Variants in DGKI observed in about 807,000 individuals in gnomAD.
DGKI encodes diacylglycerol kinase iota.
DGKI carries 55 observed loss-of-function variants against 147.5 expected under a neutral mutation model. That is an observed-to-expected ratio of 0.37 (90% CI 0.30 to 0.47). The LOEUF (loss-of-function observed/expected upper bound fraction) is 0.47, where lower values mean the gene tolerates loss of function less well. Ranked by LOEUF, DGKI falls within the 20% of genes least tolerant of loss-of-function variation. The probability of loss-of-function intolerance (pLI) is 1.00; values close to 1 mark genes in which losing one functional copy is unlikely to be tolerated. For missense variants in DGKI, 1,007 were observed against 1,323.8 expected (o/e 0.76, Z 3.71); for synonymous variants, 469 against 477.1 (o/e 0.98, Z 0.22).
intron 1 of DGKI, among the ~76,000 whole-genome samples, chr7:137,771,279 T>C (rs1315652262): frequency 6.6e-6 from 1 of 152,136 alleles, no homozygotes; most frequent in Non-Finnish European, 1.5e-5. Flanking sequence ...TTAGTAGAGA[T>C]GGGGTTTCGC....
At chr7:137,658,031 C>T (rs924895122) in intron 3 of DGKI, among the ~76,000 whole-genome samples, 1 of 152,180 alleles carries the variant, frequency 6.6e-6, no homozygotes, top group Non-Finnish European at 1.5e-5. Flanking sequence ...TCTCGGATTT[C>T]CTCTTCCTGA....
chr7:137,807,282 T>C (rs1797408477), intron 1 of DGKI, among the ~76,000 whole-genome samples: 1 of 152,204 alleles, frequency 6.6e-6, no homozygotes, highest in Non-Finnish European at 1.5e-5. Context: ...CCATGTTATT[T>C]TAGGTTTGGA....
intron 1 of DGKI, among the ~76,000 whole-genome samples, chr7:137,698,532 G>A (rs1272878700): frequency 6.6e-6 from 1 of 152,100 alleles, no homozygotes; most frequent in Non-Finnish European, 1.5e-5. Context: ...GGCAGCCCCT[G>A]GGGAGAGTAT....
chr7:137,550,723 G>A (rs750452732), intron 20 of DGKI, among the ~76,000 whole-genome samples: 1 of 152,152 alleles, frequency 6.6e-6, no homozygotes, highest in African/African-American at 2.4e-5. Context: ...GTCTGATAAG[G>A]TTATTAAATA....
intron 3 of DGKI, among the ~76,000 whole-genome samples, chr7:137,670,000 C>T (rs1015001318): frequency 6.6e-6 from 1 of 152,256 alleles, no homozygotes; most frequent in South Asian, 2.1e-4. Context: ...CCACAATCCT[C>T]CCATCCACTC....
intron 14 of DGKI, among the ~76,000 whole-genome samples, chr7:137,584,960 G>C (rs746240811): frequency 9.2e-5 from 14 of 152,174 alleles, no homozygotes; most frequent in Middle Eastern, 6.4e-3. Flanking sequence ...TTCTAGTGCA[G>C]AAGTTGAAGA....
intron 19 of DGKI, among the ~76,000 whole-genome samples, chr7:137,560,203 C>A (rs1818371180): frequency 6.6e-6 from 1 of 151,572 alleles, no homozygotes; most frequent in African/African-American, 2.4e-5. Context: ...AACTTAAGAG[C>A]AAATTGAAAG....
In DGKI at chr7:137,804,818, C is replaced by T. The variant is rs542922965; in HGVS notation, c.401+41644G>A. Among the ~76,000 whole-genome samples, 3 of 152,304 alleles carry T rather than the reference C, an allele frequency of 2.0e-5. No homozygotes were observed. In the South Asian group the frequency reaches 6.2e-4, roughly 32 times the overall value. On this transcript the variant is annotated intron_variant, in intron 1 of 32. Coordinates refer to ENST00000614521, the MANE Select transcript of DGKI (RefSeq NM_001321708.2). ...TTTGGGAGTAGAATAAAATTTCTAT[C>T]TATTTAGTCTAATCTTACTTTGTAG... is the stretch of plus-strand genomic sequence containing the variant.
chr7:137,767,540 G>GAGAAGAGGA (rs1796056327), intron 1 of DGKI, among the ~76,000 whole-genome samples: 1 of 136,426 alleles, frequency 7.3e-6, no homozygotes, highest in Non-Finnish European at 1.6e-5. Flanking sequence ...GAGTAGAGTA[G>GAGAAGAGGA]GAGGAAGAGG....
rs1430691793 is a variant in DGKI, at chr7:137,653,668, CCT to C, written c.738+1062_738+1063del. ...CTTCCAGGAAGCCCCTTCTCTGACC[CCT>C]CTCCTCTCTTTCCTATTTGTTACTA... is the stretch of plus-strand genomic sequence containing the variant. On this transcript the variant is annotated intron_variant, in intron 5 of 32. Coordinates refer to ENST00000614521, the MANE Select transcript of DGKI (RefSeq NM_001321708.2). Among the ~76,000 whole-genome samples the C allele has an allele frequency of 2.0e-5, 3 of 152,204 alleles. No individual in the cohort carries two copies. In the East Asian group the frequency reaches 5.8e-4, roughly 29 times the overall value.
chr7:137,537,677 A>G (rs1465622166), intron 20 of DGKI, among the ~76,000 whole-genome samples: 3 of 152,148 alleles, frequency 2.0e-5, no homozygotes, highest in African/African-American at 7.2e-5. Flanking sequence ...CCAGACATGA[A>G]GCACATTTCT....
At chr7:137,585,498 A>C in intron 13 of DGKI, 152 bp from the exon 14 acceptor site, 1 of 767,490 alleles carries the variant, frequency 1.3e-6, no homozygotes, top group Non-Finnish European at 2.0e-6. Context: ...GGTACTTAGA[A>C]TTTGAGACAA....
intron 1 of DGKI, among the ~76,000 whole-genome samples, chr7:137,744,766 C>T (rs2116724009): frequency 6.6e-6 from 1 of 152,212 alleles, no homozygotes; most frequent in South Asian, 2.1e-4. Context: ...CGTGATTTAC[C>T]ACATAAATAG....
Position 137,841,329 on chromosome 7 carries a change from T to G in DGKI, c.401+5133A>C, listed in dbSNP as rs147729597. 4.1e-3 allele frequency among the ~76,000 whole-genome samples: 621 copies of G among 152,372 alleles called. 4 individuals carry two copies. Among genetic ancestry groups the G allele is most frequent in the African/African-American group, 0.014 (603 of 41,594 alleles). On this transcript the variant is annotated intron_variant, in intron 1 of 32. Transcript: ENST00000614521. ...AATTATCTGCATTGTTTTTGTGCCT[T>G]GAAATAGGTTTCAATCAGTTCCAAC...
chr7:137,540,453 C>T (rs1563075400), intron 20 of DGKI, among the ~76,000 whole-genome samples: 1 of 152,034 alleles, frequency 6.6e-6, no homozygotes, highest in Non-Finnish European at 1.5e-5. Context: ...AGGATGCTAC[C>T]AAACTCCTAG....
intron 28 of DGKI, among the ~76,000 whole-genome samples, chr7:137,442,880 G>A (rs1388233179): frequency 6.6e-6 from 1 of 152,188 alleles, no homozygotes; most frequent in East Asian, 1.9e-4. Flanking sequence ...CATGAAATTT[G>A]CGCATTAAGC....
intron 1 of DGKI, among the ~76,000 whole-genome samples, chr7:137,805,954 T>C (rs868673713): frequency 6.6e-6 from 1 of 152,222 alleles, no homozygotes; most frequent in South Asian, 2.1e-4. Context: ...GAGAAGATAA[T>C]TTCTTTGACG....
At chr7:137,670,625 C>T (rs1045725144) in intron 3 of DGKI, among the ~76,000 whole-genome samples, 21 of 152,282 alleles carry the variant, frequency 1.4e-4, no homozygotes, top group African/African-American at 4.6e-4. Context: ...TTGTTGATGG[C>T]CACACTTTCC....
At chr7:137,610,468 G>A (rs1820327078) in intron 8 of DGKI, among the ~76,000 whole-genome samples, 1 of 152,126 alleles carries the variant, frequency 6.6e-6, no homozygotes, top group African/African-American at 2.4e-5. Flanking sequence ...ACCTGTCATA[G>A]GGATCAGTCA....
Sources: allele counts gnomAD v4.1 joint callset (sites outside exome capture counted in the v4.1 genomes callset), GRCh38; gene constraint gnomAD v4.1.1; transcripts MANE v1.5; gene names NCBI Gene and HGNC (gene_info 2026-07-23, HGNC 2026-07-21).